The following KDM2A variants were observed in gnomAD, a reference collection of about 807,000 sequenced individuals.
KDM2A encodes the protein lysine demethylase 2A, also known as lysine-specific demethylase 2A.
KDM2A carries 3 observed loss-of-function variants against 137.3 expected under a neutral mutation model. The ratio of observed to expected loss-of-function variants is 0.02; its 90% CI spans 0.01 to 0.06. The LOEUF is 0.06. Ranked by LOEUF, KDM2A falls within the 10% of genes least tolerant of loss-of-function variation. KDM2A has a pLI of 1.00. For synonymous variants in KDM2A, 512 were observed against 541.5 expected, an observed-to-expected ratio of 0.95 and a Z score of 0.76; for missense variants, 738 against 1,510.6, an observed-to-expected ratio of 0.49 and a Z score of 8.48.
intron 5 of KDM2A, among the ~76,000 whole-genome samples, chr11:67,199,043 G>C (rs1354623048): frequency 6.6e-6 from 1 of 152,128 alleles, no homozygotes; most frequent in African/African-American, 2.4e-5. Flanking sequence ...CCTCCCCAAA[G>C]TGCTGAGATT....
At chr11:67,152,905 AGT>A (rs146532672) in intron 2 of KDM2A, among the ~76,000 whole-genome samples, 2,781 of 142,576 alleles carry the variant, frequency 0.02, 54 homozygotes, top group African/African-American at 0.053. Context: ...ACAGTGCCAG[AGT>A]GTGTGTGTGT....
chr11:67,169,758 TC>T (rs146254426), intron 2 of KDM2A, among the ~76,000 whole-genome samples: 15,776 of 59,450 alleles, frequency 0.27, 1,294 homozygotes, highest in South Asian at 0.44. Context: ...TCTCTCTCTC[TC>T]TTTTTTTTTT....
intron 2 of KDM2A, among the ~76,000 whole-genome samples, chr11:67,128,711 T>C (rs927132321): frequency 6.6e-6 from 1 of 152,238 alleles, no homozygotes; most frequent in Non-Finnish European, 1.5e-5. Flanking sequence ...TTGCTGAGCA[T>C]TAATCACTAC....
intron 12 of KDM2A, among the ~76,000 whole-genome samples, chr11:67,235,429 C>T (rs200176455): frequency 1.3e-5 from 2 of 151,074 alleles, no homozygotes; most frequent in Admixed American, 6.6e-5. Flanking sequence ...CTCAGCCTCC[C>T]GAGTAGCTGG....
intron 12 of KDM2A, chr11:67,240,014 ACT>A: frequency 7.8e-7 from 1 of 1,280,890 alleles, no homozygotes; most frequent in Non-Finnish European, 9.9e-7. Flanking sequence ...TGGCTCGCTC[ACT>A]CTCGCTCGGC....
At chr11:67,249,437 A>C (rs1267663639) in intron 16 of KDM2A, among the ~76,000 whole-genome samples, 2 of 152,230 alleles carry the variant, frequency 1.3e-5, no homozygotes, top group Non-Finnish European at 2.9e-5. Flanking sequence ...CCTTGCAAAA[A>C]ACCTGAACTA....
intron 19 of KDM2A, 136 bp downstream of exon 19, chr11:67,253,747 T>G: frequency 1.2e-6 from 1 of 866,402 alleles, no homozygotes; most frequent in Non-Finnish European, 1.8e-6. Context: ...GAAAACAGAA[T>G]GATGGACTGT....
chr11:67,209,227 C>G (rs983016908), intron 6 of KDM2A, among the ~76,000 whole-genome samples: 3 of 151,772 alleles, frequency 2.0e-5, no homozygotes, highest in Non-Finnish European at 4.4e-5. Context: ...GCCACCACAC[C>G]GGGCCGAAAG....
chr11:67,125,942 CAAAA>C (rs59801773), intron 2 of KDM2A, among the ~76,000 whole-genome samples: 3 of 50,440 alleles, frequency 5.9e-5, no homozygotes, highest in Non-Finnish European at 9.1e-5. Flanking sequence ...GGCTTCACCT[CAAAA>C]AAAAAAAAAA....
Position 67,252,861 on chromosome 11 carries a change from A to AGTG in KDM2A, c.2932+5_2932+7dup. 1.2e-6 allele frequency: 2 copies of AGTG among 1,602,282 alleles called. No individual in the cohort carries two copies. The highest frequency in any genetic ancestry group is 1.7e-6 in the Non-Finnish European group (2 of 1,172,104). On this transcript the variant is annotated splice_donor_region_variant and intron_variant, in intron 18 of 20. Transcript: ENST00000529006. ...TGGCTCGTCAATAGGCTGCCAGGTA[A>AGTG]GTGAGCAGCCCTGCCGCTGTCTTTC...
chr11:67,232,241 A>T (rs1258132433), intron 12 of KDM2A, among the ~76,000 whole-genome samples: 2 of 152,240 alleles, frequency 1.3e-5, no homozygotes, highest in South Asian at 2.1e-4. Context: ...TGACCCAAAG[A>T]AAATATTTAT....
chr11:67,217,787 G>T lies in KDM2A; in HGVS notation c.744G>T (p.Leu248=), dbSNP rs758160239. The T allele has an allele frequency of 1.2e-6, 2 of 1,613,716 alleles. No individual in the cohort carries two copies. Among genetic ancestry groups the T allele is most frequent in the East Asian group, 4.5e-5 (2 of 44,886 alleles). Reference sequence around the variant, plus strand: ...ACCTGGAGCTGTACGAGAATTGGCTGCTGTCAGGGAAACAGGGAGACATCT... The same window carrying T: ...ACCTGGAGCTGTACGAGAATTGGCTTCTGTCAGGGAAACAGGGAGACATCT... ...AHNLELYENW[L]LSGKQGDIFL... The change falls in exon 9 of 21, where the codon CTG becomes CTT. Residue 248 remains leucine, a synonymous_variant. Transcript: ENST00000529006.
chr11:67,198,283 G>A (rs892248104), intron 5 of KDM2A, among the ~76,000 whole-genome samples: 3 of 151,086 alleles, frequency 2.0e-5, no homozygotes, highest in African/African-American at 7.3e-5. Context: ...GAGTATGAGC[G>A]CACCTCATTT....
At chr11:67,240,442 G>C in intron 12 of KDM2A, 1 of 1,334,106 alleles carries the variant, frequency 7.5e-7, no homozygotes, top group Non-Finnish European at 1.0e-6. Context: ...TCTCAGTGAA[G>C]AGGCAGGAGA....
intron 5 of KDM2A, among the ~76,000 whole-genome samples, chr11:67,191,908 G>A (rs948441978): frequency 3.9e-5 from 6 of 152,196 alleles, no homozygotes; most frequent in African/African-American, 1.4e-4. Flanking sequence ...TCTGTTGGCA[G>A]ATGATATGAC....
chr11:67,192,940 A>T (rs1857392316), intron 5 of KDM2A, among the ~76,000 whole-genome samples: 2 of 152,104 alleles, frequency 1.3e-5, no homozygotes, highest in African/African-American at 4.8e-5. Flanking sequence ...CCTTTGTTCC[A>T]TATTCACTCA....
intron 5 of KDM2A, among the ~76,000 whole-genome samples, chr11:67,200,054 T>C (rs1590775831): frequency 1.3e-5 from 2 of 152,316 alleles, no homozygotes; most frequent in Admixed American, 6.5e-5. Flanking sequence ...CTAGATGATA[T>C]CACATCTGTT....
chr11:67,246,985 T>C (rs1159900762), intron 15 of KDM2A, among the ~76,000 whole-genome samples: 5 of 142,722 alleles, frequency 3.5e-5, no homozygotes, highest in Non-Finnish European at 6.0e-5. Context: ...TTGCCCAGGC[T>C]AGAGTGCAGT....
intron 17 of KDM2A, 89 bp from the exon 18 acceptor site, chr11:67,252,605 T>A: frequency 1.4e-6 from 2 of 1,420,234 alleles, no homozygotes; most frequent in Non-Finnish European, 2.0e-6. Context: ...CTCCAGGTAC[T>A]CTGCTTTTCC....
Sources: allele counts gnomAD v4.1 joint callset (sites outside exome capture counted in the v4.1 genomes callset), GRCh38; gene constraint gnomAD v4.1.1; transcripts MANE v1.5; gene names NCBI Gene and HGNC (gene_info 2026-07-23, HGNC 2026-07-21).